QPCT: variants seen among roughly 807,000 people sequenced by gnomAD.
QPCT encodes glutaminyl-peptide cyclotransferase.
Under a neutral mutation model 43.4 loss-of-function variants are expected in QPCT, and 44 were observed. The observed-to-expected ratio is 1.01, with a 90% CI of 0.80 to 1.30. The LOEUF is 1.30. QPCT is among the 50% of genes most tolerant of loss of function. The pLI is 0.00. For missense variants in QPCT, 526 were observed against 436.5 expected (o/e 1.21, Z -1.83); for synonymous variants, 168 against 168.4 (o/e 1.00, Z 0.02).
intron 2 of QPCT, among the ~76,000 whole-genome samples, chr2:37,355,304 T>A (rs1456662269): frequency 6.6e-6 from 1 of 152,154 alleles, no homozygotes; most frequent in Non-Finnish European, 1.5e-5. Context: ...CATGACAGAG[T>A]AATTATGAGG....
In QPCT at chr2:37,369,775, C is replaced by T; in HGVS notation, c.814C>T (p.Gln272Ter). 1.3e-6 allele frequency: 2 copies of T among 1,577,292 alleles called. No homozygotes were observed. The highest frequency in any genetic ancestry group is 1.7e-6 in the Non-Finnish European group (2 of 1,146,530). The stretch of plus-strand genomic sequence containing the variant: ...CTCAGCCAGGTGGTTCGAAAGACTT[C>T]AAGCAATTGGTAAGCACCACTGTTA... ...PNSARWFERLQAIEHELHELG... is the reference protein window; with the variant it reads ...PNSARWFERL The change falls in exon 5 of 7, where the codon CAA becomes TAA. Residue 272 changes from glutamine (Q) to a stop codon, truncating the protein, a stop_gained. Transcript: ENST00000338415. LOFTEE classifies it high-confidence loss of function.
intron 3 of QPCT, among the ~76,000 whole-genome samples, chr2:37,362,629 A>G (rs1176401745): frequency 6.6e-6 from 1 of 152,268 alleles, no homozygotes; most frequent in East Asian, 1.9e-4. Context: ...AGTAGAGAAC[A>G]TCTGTGAATA....
intron 3 of QPCT, 43 bp downstream of exon 3, chr2:37,359,901 A>C: frequency 6.3e-7 from 1 of 1,576,398 alleles, no homozygotes; most frequent in Non-Finnish European, 8.7e-7. Context: ...AAAGTACATT[A>C]ACAGTAACTC....
chr2:37,352,804 G>A lies in QPCT; in HGVS notation c.136G>A (p.Ala46Thr), dbSNP rs769947960. ...WPEEKNYHQP[A>T]ILNSSALRQI... ...CAATCCTCAGAATTACCACCAGCCA[G>A]CCATTTTGAATTCATCGGCTCTTCG... is the stretch of plus-strand genomic sequence containing the variant. The change falls in exon 2 of 7, where the codon GCC becomes ACC. Residue 46 changes from alanine to threonine, a missense_variant. By Grantham distance (58) the Ala-to-Thr change is moderately conservative. Coordinates refer to ENST00000338415, the MANE Select transcript of QPCT (RefSeq NM_012413.4). 1 of 1,614,000 alleles carries A rather than the reference G, an allele frequency of 6.2e-7. No individual in the cohort carries two copies. Among genetic ancestry groups the A allele is most frequent in the Admixed American group, 1.7e-5 (1 of 60,010 alleles).
chr2:37,364,324 T>C (rs1032728557), intron 3 of QPCT, among the ~76,000 whole-genome samples: 3 of 151,934 alleles, frequency 2.0e-5, no homozygotes, highest in Non-Finnish European at 2.9e-5. Context: ...GAGGCAGAAA[T>C]CTGCAGGTTG....
chr2:37,365,613 GGAATTATCCAGCA>G (rs141947692), intron 3 of QPCT, among the ~76,000 whole-genome samples: 6,780 of 152,298 alleles, frequency 0.045, 189 homozygotes, highest in Non-Finnish European at 0.065. Flanking sequence ...TTGGCCGATG[GGAATTATCCAGCA>G]GAGATAGAAA....
At chr2:37,353,590 T>TTG (rs1172539234) in intron 2 of QPCT, among the ~76,000 whole-genome samples, 1 of 152,308 alleles carries the variant, frequency 6.6e-6, no homozygotes, top group Admixed American at 6.5e-5. Context: ...ACTAAACTGA[T>TTG]TTCAAGACCC....
At chr2:37,354,111 G>A (rs10189564) in intron 2 of QPCT, among the ~76,000 whole-genome samples, 9,535 of 152,254 alleles carry the variant, frequency 0.063, 828 homozygotes, top group East Asian at 0.33. Flanking sequence ...TGATCCGCCC[G>A]CCTCGGCCTC....
intron 2 of QPCT, among the ~76,000 whole-genome samples, chr2:37,357,716 G>A (rs1025841591): frequency 2.0e-5 from 3 of 152,100 alleles, no homozygotes; most frequent in African/African-American, 7.2e-5. Flanking sequence ...GTTGGCTTTT[G>A]CAGGACCGAC....
In QPCT at chr2:37,369,752, C is replaced by A. The variant is rs866395434; in HGVS notation, c.791C>A (p.Ser264Ter). The change falls in exon 5 of 7, where the codon TCA becomes TAA. Residue 264 changes from serine to a stop codon, truncating the protein, a stop_gained. Transcript: ENST00000338415. LOFTEE classifies it high-confidence loss of function. ...NPTFPNFFPN[S>*]ARWFERLQAI... ...ACGTTTCCCAATTTTTTTCCAAACTCAGCCAGGTGGTTCGAAAGACTTCAA... is the reference window on the plus strand; with the variant it reads ...ACGTTTCCCAATTTTTTTCCAAACTAAGCCAGGTGGTTCGAAAGACTTCAA... The A allele has an allele frequency of 6.2e-7, 1 of 1,605,066 alleles. No individual in the cohort carries two copies. Among genetic ancestry groups the A allele is most frequent in the Non-Finnish European group, 8.5e-7 (1 of 1,171,738 alleles).
chr2:37,368,504 C>T (rs955535976), intron 4 of QPCT: 13 of 442,010 alleles, frequency 2.9e-5, no homozygotes, highest in Middle Eastern at 6.8e-4. Flanking sequence ...CCAGCACCCC[C>T]GCTTATTCCT....
chr2:37,349,562 A>G (rs1672576020), intron 1 of QPCT, among the ~76,000 whole-genome samples: 1 of 152,208 alleles, frequency 6.6e-6, no homozygotes, highest in African/African-American at 2.4e-5. Context: ...CAGTGACCAG[A>G]TGGGCTTTGG....
chr2:37,372,322 A>C (rs1207328682), intron 5 of QPCT, 34 bp from the exon 6 acceptor site: 3 of 1,387,878 alleles, frequency 2.2e-6, no homozygotes, highest in Non-Finnish European at 3.1e-6. Context: ...AGATAAAAAT[A>C]GTTGTTCATT....
intron 1 of QPCT, among the ~76,000 whole-genome samples, chr2:37,345,565 G>A (rs1385378915): frequency 6.6e-6 from 1 of 152,220 alleles, no homozygotes; most frequent in Admixed American, 6.5e-5. Flanking sequence ...GCCGGGCGGG[G>A]TGGCTCACGC....
chr2:37,349,066 C>G (rs537214097), intron 1 of QPCT, among the ~76,000 whole-genome samples: 1 of 152,196 alleles, frequency 6.6e-6, no homozygotes, highest in Non-Finnish European at 1.5e-5. Context: ...AAGTCAAATG[C>G]TTTTCCACAC....
chr2:37,356,254 T>A (rs1253569562), intron 2 of QPCT, among the ~76,000 whole-genome samples: 1 of 152,146 alleles, frequency 6.6e-6, no homozygotes, highest in Non-Finnish European at 1.5e-5. Context: ...CGTGCTCATG[T>A]CTTCATCTTT....
rs1558599338 is a variant in QPCT at position 37,347,168 on chromosome 2, T to TATATATATAA, written c.120+2326_120+2327insAATATATATA. ...TTTATATATATATATATATATAACA[T>TATATATATAA]ATATATATATAACATATATATATAA... On this transcript the variant is annotated intron_variant, in intron 1 of 6. Transcript: ENST00000338415. Among the ~76,000 whole-genome samples, 11 of 52,822 alleles carry TATATATATAA rather than the reference T, an allele frequency of 2.1e-4. 2 individuals are homozygous for TATATATATAA. Among genetic ancestry groups the TATATATATAA allele is most frequent in the Non-Finnish European group, 3.4e-4 (11 of 32,220 alleles). The allele number at this position is 52,822 out of a possible 152,430, so 34.7% of individuals were successfully genotyped here. A position where few individuals can be genotyped will look rare whatever the true frequency, so the allele number is the denominator to read the frequency against.
At chr2:37,372,527 G>C in intron 6 of QPCT, 55 bp downstream of exon 6, 1 of 1,493,902 alleles carries the variant, frequency 6.7e-7, no homozygotes, top group African/African-American at 1.4e-5. Context: ...GCCTGATTTT[G>C]GAGTACAACG....
intron 3 of QPCT, among the ~76,000 whole-genome samples, chr2:37,363,614 G>A (rs112167515): frequency 0.085 from 12,335 of 145,012 alleles, 1,448 homozygotes; most frequent in African/African-American, 0.27. Context: ...CTGGGCAACA[G>A]AGTGAGACCC....
Sources: gnomAD v4.1 joint callset for allele counts (sites outside exome capture counted in the v4.1 genomes callset) on GRCh38, gnomAD v4.1.1 for gene constraint, MANE v1.5 for transcripts, NCBI Gene and HGNC (gene_info 2026-07-23, HGNC 2026-07-21) for gene names.